SLC24A2: variants seen among roughly 807,000 people sequenced by gnomAD.
SLC24A2 encodes the protein sodium/potassium/calcium exchanger 2.
A neutral mutation model predicts 62.0 loss-of-function variants in SLC24A2; 36 were observed. That is an observed-to-expected ratio of 0.58 (90% CI 0.44 to 0.77). SLC24A2 has a LOEUF of 0.77. Among genes scored for constraint, SLC24A2 ranks in the 30% least tolerant of loss-of-function variants. The probability of loss-of-function intolerance (pLI) is 0.00; values close to 1 mark genes in which losing one functional copy is unlikely to be tolerated. For missense variants in SLC24A2, 846 were observed against 817.9 expected (o/e 1.03, Z -0.42); for synonymous variants, 358 against 294.0 (o/e 1.22, Z -2.23).
chr9:19,706,613 C>T (rs1242152313), intron 2 of SLC24A2, among the ~76,000 whole-genome samples: 3 of 152,062 alleles, frequency 2.0e-5, no homozygotes, highest in South Asian at 2.1e-4. Context: ...CTCCTGACCT[C>T]GTGATCCGCT....
chr9:19,924,540 C>T, the SLC24A2 span, among the ~76,000 whole-genome samples: 1 of 152,150 alleles, frequency 6.6e-6, no homozygotes, highest in African/African-American at 2.4e-5. Context: ...TTCCAGATAT[C>T]TACCCAGCAG....
chr9:20,042,650 C>A, the SLC24A2 span, among the ~76,000 whole-genome samples: 2 of 152,170 alleles, frequency 1.3e-5, no homozygotes, highest in African/African-American at 4.8e-5. Flanking sequence ...AGGCATACCT[C>A]CTTTTATTGT....
At chr9:19,772,513 G>A (rs1822720379) in intron 2 of SLC24A2, among the ~76,000 whole-genome samples, 1 of 152,108 alleles carries the variant, frequency 6.6e-6, no homozygotes, top group Non-Finnish European at 1.5e-5. Flanking sequence ...AAGGAACTCT[G>A]AAACTCAATA....
chr9:19,893,793 G>A, the SLC24A2 span, among the ~76,000 whole-genome samples: 3 of 152,092 alleles, frequency 2.0e-5, no homozygotes, highest in African/African-American at 4.8e-5. Context: ...CCTCTCTCAC[G>A]CCACACAGGG....
At chr9:19,976,197 A>C in the SLC24A2 span, among the ~76,000 whole-genome samples, 1 of 152,212 alleles carries the variant, frequency 6.6e-6, no homozygotes, top group South Asian at 2.1e-4. Flanking sequence ...GTTAAAAAAA[A>C]ATACAGTAAA....
the SLC24A2 span, among the ~76,000 whole-genome samples, chr9:20,019,665 A>G: frequency 6.6e-6 from 1 of 152,220 alleles, no homozygotes; most frequent in Non-Finnish European, 1.5e-5. Flanking sequence ...GCATGGGCAA[A>G]GACTTCCCGA....
At chr9:20,090,119 T>C in the SLC24A2 span, among the ~76,000 whole-genome samples, 1 of 151,976 alleles carries the variant, frequency 6.6e-6, no homozygotes, top group Non-Finnish European at 1.5e-5. Flanking sequence ...AGGAAGCCAC[T>C]CTGTCTCCCA....
At chr9:19,895,854 A>C in the SLC24A2 span, 2 of 1,610,856 alleles carry the variant, frequency 1.2e-6, no homozygotes, top group Non-Finnish European at 1.7e-6. Flanking sequence ...TCAGGCCAGC[A>C]AAGAAGGGGT....
the SLC24A2 span, among the ~76,000 whole-genome samples, chr9:20,024,236 T>C: frequency 6.6e-6 from 1 of 152,132 alleles, no homozygotes; most frequent in Admixed American, 6.6e-5. Flanking sequence ...CTGGATTTGG[T>C]TGAAAATCTT....
intron 2 of SLC24A2, among the ~76,000 whole-genome samples, chr9:19,636,387 C>CTTTCTTTCT (rs1564010053): frequency 4.5e-5 from 1 of 22,322 alleles, no homozygotes; most frequent in African/African-American, 1.5e-4. Flanking sequence ...TTCTTTCTTT[C>CTTTCTTTCT]TCCCTCTCTC....
the SLC24A2 span, among the ~76,000 whole-genome samples, chr9:20,288,302 T>C: frequency 6.6e-6 from 1 of 152,112 alleles, no homozygotes; most frequent in African/African-American, 2.4e-5. Context: ...AGTTTGTATT[T>C]TCCAAAGCCT....
In SLC24A2 at chr9:19,507,614, A is replaced by G. The variant is rs1038592458; in HGVS notation, c.*8539T>C. On this transcript the variant is annotated 3_prime_UTR_variant, in exon 11 of 11. Transcript: ENST00000341998. ...TTTATCAGAATGAAGTCCATGTGAC[A>G]GAAGTACATACTTCAGACAGCCTAT... is the stretch of plus-strand genomic sequence containing the variant. The G allele has an allele frequency of 1.3e-5, 2 of 152,278 alleles. No individual in the cohort carries two copies. Among genetic ancestry groups the G allele is most frequent in the Non-Finnish European group, 2.9e-5 (2 of 68,046 alleles). The allele number at this position is 152,278 out of a possible 1,614,324, so 9.4% of individuals were successfully genotyped here. A position where few individuals can be genotyped will look rare whatever the true frequency, so the allele number is the denominator to read the frequency against.
the SLC24A2 span, among the ~76,000 whole-genome samples, chr9:20,130,850 T>G: frequency 2.0e-5 from 3 of 151,902 alleles, 1 homozygote; most frequent in Admixed American, 2.0e-4. Context: ...GTGGAAAAAA[T>G]CATCCAAGAC....
At chr9:19,544,992 C>T (rs200025877) in intron 8 of SLC24A2, among the ~76,000 whole-genome samples, 1 of 152,114 alleles carries the variant, frequency 6.6e-6, no homozygotes, top group African/African-American at 2.4e-5. Context: ...GGTTGGGGAA[C>T]TTCTCCTGGA....
At chr9:20,184,639 T>C in the SLC24A2 span, among the ~76,000 whole-genome samples, 1 of 152,122 alleles carries the variant, frequency 6.6e-6, no homozygotes, top group African/African-American at 2.4e-5. Flanking sequence ...AGGAAGCCCT[T>C]GCATAGGCTG....
At chr9:19,708,483 T>C (rs1241825021) in intron 2 of SLC24A2, among the ~76,000 whole-genome samples, 4 of 152,232 alleles carry the variant, frequency 2.6e-5, no homozygotes, top group Non-Finnish European at 5.9e-5. Flanking sequence ...GCTGGAGCCA[T>C]CACGCTACCT....
At chr9:20,101,174 G>A in the SLC24A2 span, among the ~76,000 whole-genome samples, 1 of 152,168 alleles carries the variant, frequency 6.6e-6, no homozygotes, top group South Asian at 2.1e-4. Flanking sequence ...TTCATTTAAG[G>A]TCTCAGTGAC....
At chr9:19,934,854 G>C in the SLC24A2 span, among the ~76,000 whole-genome samples, 53 of 152,184 alleles carry the variant, frequency 3.5e-4, no homozygotes, top group Non-Finnish European at 7.2e-4. The surrounding 1 kb of genome is among the most constrained non-coding windows in gnomAD (Gnocchi z 4.1). Flanking sequence ...TCCAGGGAAA[G>C]GAGGAGCGGT....
chr9:20,139,421 A>T, the SLC24A2 span, among the ~76,000 whole-genome samples: 2 of 152,316 alleles, frequency 1.3e-5, no homozygotes, highest in South Asian at 4.1e-4. Flanking sequence ...AAGAGTTAGA[A>T]CAAGGCCTAG....
Sources: allele counts gnomAD v4.1 joint callset (sites outside exome capture counted in the v4.1 genomes callset), GRCh38; gene constraint gnomAD v4.1.1; non-coding constraint Gnocchi (gnomAD v3.1); transcripts MANE v1.5; gene names NCBI Gene and HGNC (gene_info 2026-07-23, HGNC 2026-07-21).